NBEA: variants seen among roughly 807,000 people sequenced by gnomAD.
NBEA encodes the protein neurobeachin, also known as lysosomal-trafficking regulator 2.
In NBEA, 44 loss-of-function variants were observed where a neutral mutation model predicts 343.4. That is an observed-to-expected ratio of 0.13 (90% CI 0.10 to 0.16). The LOEUF is 0.16. NBEA is among the 10% of genes least tolerant of loss of function. The pLI, the probability that NBEA is intolerant of heterozygous loss-of-function variation, is 1.00. For synonymous variants in NBEA, 1,175 were observed against 1,238.7 expected (o/e 0.95, Z 1.08); for missense variants, 2,555 against 3,631.3 (o/e 0.70, Z 7.62).
Position 35,522,982 on chromosome 13 carries a change from T to C in NBEA, c.6586-27495T>C, listed in dbSNP as rs531074407. The stretch of plus-strand genomic sequence containing the variant: ...AAAAGAACAGATGTGAGAAATACTG[T>C]GGAGCTGGAATCAACAGGATTAGCC... On this transcript the variant is annotated intron_variant, in intron 41 of 58. Transcript: ENST00000379939. 1.2e-4 allele frequency among the ~76,000 whole-genome samples: 18 copies of C among 152,174 alleles called. 1 individual carries two copies. The highest frequency in any genetic ancestry group is 3.3e-4 in the Admixed American group (5 of 15,294).
At chr13:35,211,217 T>A (rs1255109750) in intron 33 of NBEA, 38 bp downstream of exon 33, 2 of 1,505,502 alleles carry the variant, frequency 1.3e-6, no homozygotes, top group Non-Finnish European at 1.8e-6. Context: ...TAACTCTTTT[T>A]AAATGTAGTG....
intron 41 of NBEA, among the ~76,000 whole-genome samples, chr13:35,497,510 T>A (rs2076726692): frequency 6.6e-6 from 1 of 152,072 alleles, no homozygotes; most frequent in Non-Finnish European, 1.5e-5. Context: ...ACCTGATATC[T>A]ATAGAGTGCT....
At chr13:35,573,295 T>C (rs2080535592) in intron 45 of NBEA, among the ~76,000 whole-genome samples, 1 of 152,228 alleles carries the variant, frequency 6.6e-6, no homozygotes, top group South Asian at 2.1e-4. Context: ...CAACCTACTC[T>C]GTGCCAGACA....
intron 8 of NBEA, among the ~76,000 whole-genome samples, chr13:35,062,026 T>C (rs910983429): frequency 3.3e-5 from 5 of 151,628 alleles, no homozygotes; most frequent in Non-Finnish European, 7.4e-5. Flanking sequence ...TTTCTAAAAA[T>C]AGGAAAATGT....
intron 1 of NBEA, among the ~76,000 whole-genome samples, chr13:35,027,357 C>T (rs1566180916): frequency 6.6e-6 from 1 of 151,554 alleles, no homozygotes; most frequent in Non-Finnish European, 1.5e-5. Context: ...ATTTTATATC[C>T]TTACAAGCAA....
At chr13:35,371,038 G>C (rs892945178) in intron 38 of NBEA, among the ~76,000 whole-genome samples, 1 of 151,672 alleles carries the variant, frequency 6.6e-6, no homozygotes, top group Non-Finnish European at 1.5e-5. Context: ...GCTGTTTTTT[G>C]AATTCTTTCT....
chr13:35,657,655 T>C (rs2084881348), intron 55 of NBEA, among the ~76,000 whole-genome samples: 1 of 152,226 alleles, frequency 6.6e-6, no homozygotes, highest in South Asian at 2.1e-4. Context: ...CCAAATTGTC[T>C]TTATTTCCAT....
At chr13:35,492,830 A>G (rs900784417) in intron 41 of NBEA, among the ~76,000 whole-genome samples, 3 of 151,850 alleles carry the variant, frequency 2.0e-5, no homozygotes, top group Non-Finnish European at 4.4e-5. Flanking sequence ...TCAAGAAGGG[A>G]CTTAGATGTT....
At chr13:35,025,563 T>G (rs2061991329) in intron 1 of NBEA, among the ~76,000 whole-genome samples, 1 of 152,142 alleles carries the variant, frequency 6.6e-6, no homozygotes, top group Non-Finnish European at 1.5e-5. Flanking sequence ...TACTGTTGCC[T>G]TGTAGTACGG....
At chr13:35,297,839 A>T (rs941217837) in intron 35 of NBEA, among the ~76,000 whole-genome samples, 86 of 152,064 alleles carry the variant, frequency 5.7e-4, no homozygotes, top group African/African-American at 2.4e-5. Flanking sequence ...TTATTGTGAT[A>T]AAATACATAA....
intron 1 of NBEA, among the ~76,000 whole-genome samples, chr13:35,014,145 C>CTT (rs148045103): frequency 6.4e-4 from 97 of 151,424 alleles, no homozygotes; most frequent in South Asian, 4.6e-3. Context: ...AGCAAAAAAA[C>CTT]TTTTTTTTTA....
At chr13:35,158,646 C>G (rs2152710242) in intron 21 of NBEA, among the ~76,000 whole-genome samples, 1 of 152,068 alleles carries the variant, frequency 6.6e-6, no homozygotes, top group East Asian at 1.9e-4. Context: ...AGTAATAGTA[C>G]TTTGGTTATT....
intron 41 of NBEA, among the ~76,000 whole-genome samples, chr13:35,513,007 AC>A (rs2077338993): frequency 6.6e-6 from 1 of 152,040 alleles, no homozygotes; most frequent in South Asian, 2.1e-4. Flanking sequence ...TATTGATTAT[AC>A]TATACAGGTT....
chr13:35,529,505 G>A (rs773205185), intron 41 of NBEA, among the ~76,000 whole-genome samples: 3 of 152,156 alleles, frequency 2.0e-5, no homozygotes, highest in Non-Finnish European at 4.4e-5. Flanking sequence ...GTAGTAGAAA[G>A]TACATTTTAT....
At chr13:35,650,333 C>T (rs1436744030) in intron 52 of NBEA, among the ~76,000 whole-genome samples, 1 of 152,174 alleles carries the variant, frequency 6.6e-6, no homozygotes, top group Non-Finnish European at 1.5e-5. Context: ...CAAGCACCAA[C>T]TCTATTTTTG....
Position 35,349,101 on chromosome 13 carries a change from T to C in NBEA, c.5904-7T>C. ...AATAATATTTCTAAAGGTATTTTTCTTTTTAGATTACTGTGCCATGCTATG... is the reference window on the plus strand; with the variant it reads ...AATAATATTTCTAAAGGTATTTTTCCTTTTAGATTACTGTGCCATGCTATG... On this transcript the variant is annotated splice_polypyrimidine_tract_variant and splice_region_variant and intron_variant, in intron 36 of 58. Transcript: ENST00000379939. 1 of 1,501,026 alleles carries C rather than the reference T, an allele frequency of 6.7e-7. No homozygotes were observed. The highest frequency in any genetic ancestry group is 1.4e-5 in the African/African-American group (1 of 71,460). The allele number at this position is 1,501,026 out of a possible 1,614,324, so 93.0% of individuals were successfully genotyped here.
intron 38 of NBEA, among the ~76,000 whole-genome samples, chr13:35,370,176 A>C (rs1323132170): frequency 6.6e-6 from 1 of 151,948 alleles, no homozygotes; most frequent in African/African-American, 2.4e-5. Flanking sequence ...CCCTTTAGAT[A>C]GAATAATTTA....
chr13:35,374,197 T>A (rs1476427805), intron 38 of NBEA, among the ~76,000 whole-genome samples: 1 of 134,342 alleles, frequency 7.4e-6, no homozygotes, highest in East Asian at 2.1e-4. Flanking sequence ...TTGGCCTGAT[T>A]TCAGTATTTT....
intron 54 of NBEA, 101 bp from the exon 55 acceptor site, chr13:35,655,478 A>T (rs9544913): frequency 0.14 from 166,834 of 1,234,138 alleles, 12,154 homozygotes; most frequent in South Asian, 0.18. Context: ...AAATAAAATT[A>T]AAAATATGGT....
Sources: allele counts gnomAD v4.1 joint callset (sites outside exome capture counted in the v4.1 genomes callset), GRCh38; gene constraint gnomAD v4.1.1; transcripts MANE v1.5; gene names NCBI Gene and HGNC (gene_info 2026-07-23, HGNC 2026-07-21).